Variants in PCMT1 observed in about 807,000 individuals in gnomAD.
PCMT1 encodes the protein protein-L-isoaspartate (D-aspartate) O-methyltransferase, also known as protein-L-isoaspartate(D-aspartate) O-methyltransferase.
A neutral mutation model predicts 29.2 loss-of-function variants in PCMT1; 9 were observed. That is an observed-to-expected ratio of 0.31 (90% CI 0.19 to 0.54). PCMT1 has a LOEUF of 0.54. Among genes scored for constraint, PCMT1 ranks in the 20% least tolerant of loss-of-function variants. The pLI, the probability that PCMT1 is intolerant of heterozygous loss-of-function variation, is 0.95. For missense variants in PCMT1, 184 were observed against 282.2 expected (o/e 0.65, Z 2.49); for synonymous variants, 98 against 97.5 (o/e 1.00, Z -0.03).
rs371303428 is a variant in PCMT1, at chr6:149,806,725, G to T, written c.*38-3891G>T. 2.6e-5 allele frequency among the ~76,000 whole-genome samples: 4 copies of T among 152,122 alleles called. No individual in the cohort carries two copies. In the East Asian group the frequency reaches 7.7e-4, roughly 29 times the overall value. On this transcript the variant is annotated intron_variant, in intron 7 of 7. Transcript: ENST00000464889. ...CCTGCCTCAGCCTTCTGAGTAGCTGGGACCACAGGGTGTGCCACCATACTC... is the reference window on the plus strand; with the variant it reads ...CCTGCCTCAGCCTTCTGAGTAGCTGTGACCACAGGGTGTGCCACCATACTC...
intron 3 of PCMT1, among the ~76,000 whole-genome samples, chr6:149,777,440 A>G (rs1787615464): frequency 7.0e-6 from 1 of 142,836 alleles, no homozygotes; most frequent in Non-Finnish European, 1.5e-5. Flanking sequence ...CTTAACCTCC[A>G]TGTTGTGGAG....
chr6:149,770,561 C>G (rs866579012), intron 1 of PCMT1, among the ~76,000 whole-genome samples: 3 of 151,902 alleles, frequency 2.0e-5, no homozygotes, highest in Admixed American at 1.3e-4. Context: ...AAAAAATTAG[C>G]TGGGCGTGGT....
chr6:149,810,163 G>C (rs944017370), intron 7 of PCMT1: 1 of 155,064 alleles, frequency 6.4e-6, no homozygotes, highest in African/African-American at 2.4e-5. Flanking sequence ...CTCTCAGAGC[G>C]CTTGGGTTGA....
At position 149,786,075 on chromosome 6, in the gene PCMT1, C is replaced by T. The variant is rs571266623; in HGVS notation, c.193-3879C>T. Among the ~76,000 whole-genome samples the T allele has an allele frequency of 4.7e-3, 648 of 138,538 alleles. 32 individuals are homozygous for T. Among genetic ancestry groups the T allele is most frequent in the Middle Eastern group, 8.3e-3 (2 of 240 alleles). 90.9% of individuals were successfully genotyped at this position (138,538 alleles called of 152,430 possible). A position where few individuals can be genotyped will look rare whatever the true frequency, so the allele number is the denominator to read the frequency against. On this transcript the variant is annotated intron_variant, in intron 3 of 7. Coordinates refer to ENST00000464889, the MANE Select transcript of PCMT1 (RefSeq NM_001360452.2). ...CTCCCTCCCGGACGGGGTGGCTAGC[C>T]GGGCAGAGGAGCTCCTCCTTCCCAG...
At chr6:149,767,553 A>G (rs1284111884) in intron 1 of PCMT1, among the ~76,000 whole-genome samples, 1 of 151,838 alleles carries the variant, frequency 6.6e-6, no homozygotes, top group Non-Finnish European at 1.5e-5. Flanking sequence ...CCCAAGCTCA[A>G]GCAATCCTCC....
At chr6:149,798,492 G>A (rs1788702296) in intron 6 of PCMT1, among the ~76,000 whole-genome samples, 1 of 152,128 alleles carries the variant, frequency 6.6e-6, no homozygotes, top group Admixed American at 6.6e-5. Flanking sequence ...TATTATAGGG[G>A]TATGTATACA....
chr6:149,803,134 G>C (rs1259055060), intron 7 of PCMT1, among the ~76,000 whole-genome samples: 2 of 150,868 alleles, frequency 1.3e-5, no homozygotes, highest in Admixed American at 6.6e-5. Flanking sequence ...GGAGAAAGAA[G>C]GGGAAAGATA....
intron 3 of PCMT1, among the ~76,000 whole-genome samples, chr6:149,788,970 A>G (rs1788236069): frequency 6.6e-6 from 1 of 151,764 alleles, no homozygotes; most frequent in East Asian, 1.9e-4. Context: ...TTATATATGT[A>G]TAGAATGATG....
chr6:149,786,348 G>A (rs1284211667), intron 3 of PCMT1, among the ~76,000 whole-genome samples: 1 of 109,210 alleles, frequency 9.2e-6, no homozygotes, highest in Non-Finnish European at 1.8e-5. Context: ...CGGACGGGGC[G>A]GCTGGCCGGG....
chr6:149,792,575 C>T (rs548817358), intron 4 of PCMT1, among the ~76,000 whole-genome samples: 71 of 152,166 alleles, frequency 4.7e-4, no homozygotes, highest in African/African-American at 1.7e-3. Context: ...TGCAGTGGCA[C>T]GATCTCAACT....
chr6:149,790,130 T>A, intron 4 of PCMT1, 72 bp downstream of exon 4: 2 of 850,268 alleles, frequency 2.4e-6, no homozygotes, highest in Non-Finnish European at 3.7e-6. Context: ...TTTTTTTAAC[T>A]AGTGGTTTTC....
chr6:149,776,519 C>T (rs1241876220), intron 3 of PCMT1, among the ~76,000 whole-genome samples: 1 of 151,970 alleles, frequency 6.6e-6, no homozygotes, highest in Non-Finnish European at 1.5e-5. Flanking sequence ...TCAAGTGATC[C>T]ACCCGCCTTG....
intron 2 of PCMT1, chr6:149,772,422 A>G: frequency 3.1e-6 from 1 of 323,386 alleles, no homozygotes; most frequent in South Asian, 2.6e-5. Context: ...TGACAGAAAT[A>G]TGAAGCAATT....
intron 3 of PCMT1, among the ~76,000 whole-genome samples, chr6:149,788,489 A>G (rs1316378806): frequency 6.6e-6 from 1 of 152,188 alleles, no homozygotes; most frequent in Non-Finnish European, 1.5e-5. Context: ...TTTTACGAAT[A>G]TGGGCCATTT....
intron 2 of PCMT1, chr6:149,772,239 A>C: frequency 2.7e-6 from 1 of 368,464 alleles, no homozygotes; most frequent in Admixed American, 4.0e-5. Flanking sequence ...CAGAGGCAGA[A>C]AGAAGCAGGT....
intron 7 of PCMT1, among the ~76,000 whole-genome samples, chr6:149,807,276 A>G (rs1440575351): frequency 6.6e-6 from 1 of 152,216 alleles, no homozygotes; most frequent in Non-Finnish European, 1.5e-5. Context: ...TAGTTGCTAC[A>G]GAAAGTTAAT....
intron 1 of PCMT1, among the ~76,000 whole-genome samples, chr6:149,767,258 C>CTT (rs113665810): frequency 1.6e-3 from 231 of 145,582 alleles, no homozygotes; most frequent in African/African-American, 3.5e-3. Context: ...GTAATTCACT[C>CTT]TTTTTTTTTT....
At chr6:149,797,415 T>G (rs1004246645) in intron 6 of PCMT1, 1 of 152,272 alleles carries the variant, frequency 6.6e-6, no homozygotes, top group African/African-American at 2.4e-5. Context: ...CCGGGCATGG[T>G]GGCTCATGCA....
chr6:149,753,289 G>C (rs1481288190), intron 1 of PCMT1, among the ~76,000 whole-genome samples: 1 of 151,592 alleles, frequency 6.6e-6, no homozygotes, highest in South Asian at 2.1e-4. Flanking sequence ...ATGTTGAAAT[G>C]AAAAGGGGCC....
Sources: gnomAD v4.1 joint callset for allele counts (sites outside exome capture counted in the v4.1 genomes callset) on GRCh38, gnomAD v4.1.1 for gene constraint, MANE v1.5 for transcripts, NCBI Gene and HGNC (gene_info 2026-07-23, HGNC 2026-07-21) for gene names.